Variants in TNMD observed in about 807,000 individuals in gnomAD.
The protein encoded by TNMD is BRICHOS domain containing 4.
Under a neutral mutation model 26.9 loss-of-function variants are expected in TNMD, and 15 were observed. The ratio of observed to expected loss-of-function variants is 0.56; its 90% CI spans 0.37 to 0.86. TNMD has a LOEUF of 0.86. Ranked by LOEUF, TNMD falls within the 40% of genes least tolerant of loss-of-function variation. The pLI is 0.00. For missense variants in TNMD, 222 were observed against 242.6 expected (o/e 0.92, Z 0.56); for synonymous variants, 73 against 77.0 (o/e 0.95, Z 0.27).
chrX:100,591,671 C>A (rs1297392927), intron 2 of TNMD, among the ~76,000 whole-genome samples: 1 of 111,401 alleles, frequency 9.0e-6, no homozygotes, highest in Non-Finnish European at 1.9e-5. Flanking sequence ...ACTCCTACCC[C>A]CTACCAAGGA....
intron 5 of TNMD, among the ~76,000 whole-genome samples, chrX:100,598,769 A>C (rs1019555475): frequency 8.9e-6 from 1 of 112,254 alleles, no homozygotes; most frequent in Non-Finnish European, 1.9e-5. Flanking sequence ...GTGTGCTATT[A>C]AGTCAAAGCA....
chrX:100,592,683 G>C, intron 2 of TNMD, among the ~76,000 whole-genome samples: 1 of 111,714 alleles, frequency 9.0e-6, no homozygotes, highest in Non-Finnish European at 1.9e-5. Context: ...TTTTTCTCTA[G>C]TTGAGTTGGT....
intron 2 of TNMD, 183 bp from the exon 3 acceptor site, chrX:100,593,712 A>G: frequency 2.3e-6 from 1 of 428,456 alleles, no homozygotes; most frequent in South Asian, 6.4e-5. Flanking sequence ...GCAAACTATC[A>G]TTTGCTGTTT....
intron 2 of TNMD, among the ~76,000 whole-genome samples, chrX:100,586,948 C>CATGAGTTATTT (rs1222546935): frequency 8.9e-6 from 1 of 111,973 alleles, no homozygotes; most frequent in Admixed American, 9.5e-5. Flanking sequence ...GAAAATTATC[C>CATGAGTTATTT]ATGAGTTAAA....
chrX:100,592,170 TC>T (rs1602687380), intron 2 of TNMD, among the ~76,000 whole-genome samples: 4 of 111,589 alleles, frequency 3.6e-5, no homozygotes, highest in Admixed American at 9.5e-5. Flanking sequence ...CTAACAAAAT[TC>T]CCCCGTTGGG....
chrX:100,584,961 C>A lies in TNMD; in HGVS notation c.-58C>A, dbSNP rs2082917709. 1.8e-6 allele frequency: 2 copies of A among 1,118,076 alleles called. No individual in the cohort carries two copies. Among genetic ancestry groups the A allele is most frequent in the African/African-American group, 3.7e-5 (2 of 54,388 alleles). The allele number at this position is 1,118,076 out of a possible 1,213,427, so 92.1% of individuals were successfully genotyped here. ...AGCCGACTCACTTGCAACTCCACCT[C>A]AGCAGTGGTCTCTCAGTCCTCTCAA... On this transcript the variant is annotated 5_prime_UTR_variant, in exon 1 of 7. Coordinates refer to ENST00000373031, the MANE Select transcript of TNMD (RefSeq NM_022144.3).
At chrX:100,591,222 T>C (rs895469316) in intron 2 of TNMD, among the ~76,000 whole-genome samples, 3 of 111,833 alleles carry the variant, frequency 2.7e-5, no homozygotes, top group African/African-American at 9.8e-5. Flanking sequence ...TCATATTCTG[T>C]CCTTGCTCTA....
At chrX:100,590,580 G>A (rs960872472) in intron 2 of TNMD, among the ~76,000 whole-genome samples, 1 of 112,094 alleles carries the variant, frequency 8.9e-6, no homozygotes, top group African/African-American at 3.2e-5. Context: ...AAGAAAAATG[G>A]GTTGTGTCCT....
intron 3 of TNMD, 75 bp downstream of exon 3, chrX:100,594,110 C>A: frequency 9.4e-7 from 1 of 1,069,076 alleles, no homozygotes; most frequent in South Asian, 2.4e-5. Flanking sequence ...AAAATAGCCT[C>A]CATCTAAAAT....
At position 100,599,612 on chromosome X, in the gene TNMD, A is replaced by G; in HGVS notation, c.849A>G (p.Leu283=). The change falls in exon 7 of 7, where the codon TTA becomes TTG. Residue 283 remains leucine, a synonymous_variant. Transcript: ENST00000373031. The stretch of plus-strand genomic sequence containing the variant: ...ATTGCCGCCGCGTCTGTGAACCTTT[A>G]CTAGGCTACTACCCATATCCATACT... ...NRYCRRVCEP[L]LGYYPYPYCY... is the part of the protein sequence containing the mutation. 1 of 1,211,202 alleles carries G rather than the reference A, an allele frequency of 8.3e-7. No individual in the cohort carries two copies.
rs1376912534 is a variant in TNMD at position 100,585,282 on chromosome X, CT to C, written c.101del (p.Leu34ArgfsTer8). On this transcript the variant is annotated frameshift_variant, in exon 2 of 7. Transcript: ENST00000373031. LOFTEE classifies it high-confidence loss of function. ...KICKSLKICG[L>X]VFGILALTLI... ...ATGTAAATCACTTAAGATTTGTGGA[CT>C]GGTGTTTGGTATCCTGGCCCTAACT... The C allele has an allele frequency of 8.3e-7, 1 of 1,209,887 alleles. No homozygotes were observed.
chrX:100,592,892 G>C (rs766836539), intron 2 of TNMD, among the ~76,000 whole-genome samples: 2 of 111,862 alleles, frequency 1.8e-5, no homozygotes, highest in East Asian at 5.6e-4. Flanking sequence ...TGAACATGGA[G>C]AAACTCGATA....
intron 2 of TNMD, chrX:100,593,315 G>T (rs1279973521): frequency 1.3e-6 from 1 of 749,115 alleles, no homozygotes; most frequent in Non-Finnish European, 1.6e-6. Flanking sequence ...AAACTGGGTG[G>T]GGTTGGTTGC....
Position 100,595,916 on chromosome X carries a change from A to G in TNMD, c.423+1554A>G, listed in dbSNP as rs150578652. On this transcript the variant is annotated intron_variant, in intron 4 of 6. Coordinates refer to ENST00000373031, the MANE Select transcript of TNMD (RefSeq NM_022144.3). ...GGAAAATCAATAGGATTAAAAAGCTACTATACACAATAACATATGCTGATT... is the reference window on the plus strand; with the variant it reads ...GGAAAATCAATAGGATTAAAAAGCTGCTATACACAATAACATATGCTGATT... Among the ~76,000 whole-genome samples the G allele has an allele frequency of 7.3e-3, 825 of 112,625 alleles. 5 individuals carry two copies. Among genetic ancestry groups the G allele is most frequent in the African/African-American group, 0.025 (781 of 31,047 alleles).
At chrX:100,586,034 C>G (rs201811940) in intron 2 of TNMD, among the ~76,000 whole-genome samples, 2 of 111,668 alleles carry the variant, frequency 1.8e-5, no homozygotes, top group East Asian at 5.6e-4. Context: ...TGAAGCTTGG[C>G]TAGCCACTGT....
chrX:100,589,304 C>G (rs1461394963), intron 2 of TNMD, among the ~76,000 whole-genome samples: 1 of 105,746 alleles, frequency 9.5e-6, no homozygotes, highest in Non-Finnish European at 1.9e-5. Context: ...GAAGGAGTAG[C>G]CGGAATATTT....
chrX:100,592,062 C>T (rs1406727144), intron 2 of TNMD, among the ~76,000 whole-genome samples: 1 of 111,572 alleles, frequency 9.0e-6, no homozygotes, highest in Non-Finnish European at 1.9e-5. Context: ...TTTTTCCATA[C>T]AATAATCCAT....
rs372659004 is a variant in TNMD at position 100,593,933 on chromosome X, G to A, written c.219G>A (p.Glu73=). The A allele has an allele frequency of 2.6e-4, 315 of 1,207,701 alleles. No homozygotes were observed. Among genetic ancestry groups the A allele is most frequent in the Non-Finnish European group, 3.3e-4 (295 of 893,936 alleles). ...DMEHTFYSNG[E]KKKIYMEIDP... is the part of the protein sequence containing the mutation. ...AGCACACTTTCTACAGCAATGGAGAGAAGAAGAAGATTTACATGGAAATTG... is the reference window on the plus strand; with the variant it reads ...AGCACACTTTCTACAGCAATGGAGAAAAGAAGAAGATTTACATGGAAATTG... The change falls in exon 3 of 7, where the codon GAG becomes GAA. Residue 73 remains glutamate, a synonymous_variant. Transcript: ENST00000373031.
At chrX:100,593,822 T>A in intron 2 of TNMD, 73 bp from the exon 3 acceptor site, 1 of 1,106,997 alleles carries the variant, frequency 9.0e-7, no homozygotes, top group Non-Finnish European at 1.2e-6. Context: ...CCATATCAGC[T>A]CCAGCGCCAA....
Sources: allele counts gnomAD v4.1 joint callset (sites outside exome capture counted in the v4.1 genomes callset), GRCh38; gene constraint gnomAD v4.1.1; transcripts MANE v1.5; gene names NCBI Gene and HGNC (gene_info 2026-07-23, HGNC 2026-07-21).